Variants in PREX2 observed in about 807,000 individuals in gnomAD.
The protein encoded by PREX2 is phosphatidylinositol 3,4,5-trisphosphate-dependent Rac exchanger 2 protein.
In PREX2, 107 loss-of-function variants were observed where a neutral mutation model predicts 203.2. The ratio of observed to expected loss-of-function variants is 0.53; its 90% CI spans 0.45 to 0.62. PREX2 has a LOEUF of 0.62. PREX2 is among the 20% of genes least tolerant of loss of function. The pLI, the probability that PREX2 is intolerant of heterozygous loss-of-function variation, is 0.00. For synonymous variants in PREX2, 672 were observed against 663.6 expected (o/e 1.01, Z -0.19); for missense variants, 1,777 against 1,955.9 (o/e 0.91, Z 1.72).
rs1354992383 is a variant in PREX2, at chr8:68,234,287, C to G, written c.*2909C>G. The G allele has an allele frequency of 6.6e-6, 1 of 152,138 alleles. No individual in the cohort carries two copies. The highest frequency in any genetic ancestry group is 1.5e-5 in the Non-Finnish European group (1 of 68,030). The allele number at this position is 152,138 out of a possible 1,614,324, so 9.4% of individuals were successfully genotyped here. A position where few individuals can be genotyped will look rare whatever the true frequency, so the allele number is the denominator to read the frequency against. On this transcript the variant is annotated 3_prime_UTR_variant, in exon 40 of 40. Coordinates refer to ENST00000288368, the MANE Select transcript of PREX2 (RefSeq NM_024870.4). The stretch of plus-strand genomic sequence containing the variant: ...GTTTACCTTAATGCTACATGCTCCT[C>G]TATAACCAGTGCACCTTCAAATACT...
chr8:68,197,106 A>C (rs1237553431), intron 37 of PREX2, among the ~76,000 whole-genome samples: 5 of 152,074 alleles, frequency 3.3e-5, no homozygotes, highest in Non-Finnish European at 5.9e-5. Context: ...GAAGAGCAAA[A>C]GGGAGGGAAG....
intron 35 of PREX2, among the ~76,000 whole-genome samples, chr8:68,168,818 A>G (rs1811812710): frequency 6.6e-6 from 1 of 152,178 alleles, no homozygotes; most frequent in Admixed American, 6.5e-5. Flanking sequence ...GTCTTTCCTT[A>G]ATAACCGAGT....
intron 13 of PREX2, 47 bp downstream of exon 13, chr8:68,069,931 T>A: frequency 9.2e-7 from 1 of 1,089,128 alleles, no homozygotes; most frequent in Non-Finnish European, 1.4e-6. Flanking sequence ...GAAATATTTG[T>A]ACTATGTTTT....
intron 8 of PREX2, among the ~76,000 whole-genome samples, chr8:68,045,392 A>G (rs947355304): frequency 2.0e-5 from 3 of 152,018 alleles, no homozygotes; most frequent in African/African-American, 7.2e-5. Context: ...TACATGTGGG[A>G]TTGGGACACA....
At chr8:68,203,902 A>G (rs1189009475) in intron 37 of PREX2, among the ~76,000 whole-genome samples, 5 of 152,208 alleles carry the variant, frequency 3.3e-5, no homozygotes, top group South Asian at 2.1e-4. Context: ...ACATCTCTTT[A>G]AAGTATTTAT....
At chr8:68,220,123 T>G (rs1812926556) in intron 38 of PREX2, 1 of 152,018 alleles carries the variant, frequency 6.6e-6, no homozygotes, top group African/African-American at 2.4e-5. Context: ...AAGAAACTTT[T>G]TGGCATGATT....
chr8:68,156,140 A>G (rs1027307562), intron 34 of PREX2, among the ~76,000 whole-genome samples: 3 of 152,164 alleles, frequency 2.0e-5, no homozygotes, highest in South Asian at 2.1e-4. Flanking sequence ...AGCTTACTGC[A>G]GCTTCAAAAT....
intron 1 of PREX2, among the ~76,000 whole-genome samples, chr8:67,959,332 G>A (rs140694843): frequency 2.0e-5 from 3 of 152,292 alleles, no homozygotes; most frequent in Non-Finnish European, 4.4e-5. Flanking sequence ...TAGAGCGTGT[G>A]AGCAAAAGCC....
chr8:68,032,456 C>T (rs1171451147), intron 6 of PREX2, among the ~76,000 whole-genome samples: 2 of 152,116 alleles, frequency 1.3e-5, no homozygotes, highest in African/African-American at 4.8e-5. Context: ...GACAGCCATA[C>T]AGAGATTGGG....
chr8:67,979,500 T>C (rs1003210738), intron 1 of PREX2, among the ~76,000 whole-genome samples: 6 of 152,302 alleles, frequency 3.9e-5, no homozygotes, highest in East Asian at 1.9e-4. Context: ...CAATATCATA[T>C]GGAAAAGTTT....
intron 1 of PREX2, among the ~76,000 whole-genome samples, chr8:68,001,467 G>T (rs1371049508): frequency 2.0e-5 from 3 of 152,150 alleles, no homozygotes; most frequent in Non-Finnish European, 2.9e-5. Flanking sequence ...TGGTTGCAGA[G>T]AAAAGGGAAT....
chr8:68,221,879 T>C (rs1287483084), intron 38 of PREX2, among the ~76,000 whole-genome samples: 1 of 152,228 alleles, frequency 6.6e-6, no homozygotes, highest in Non-Finnish European at 1.5e-5. Context: ...AATCTATTTT[T>C]CATAGGGTAT....
At chr8:68,035,372 T>C (rs200455485) in intron 6 of PREX2, among the ~76,000 whole-genome samples, 15 of 152,156 alleles carry the variant, frequency 9.9e-5, no homozygotes, top group African/African-American at 3.6e-4. Context: ...TCTAGCTCGG[T>C]TAGATCTTTG....
chr8:68,124,635 T>C (rs1019386268), intron 30 of PREX2, among the ~76,000 whole-genome samples: 2 of 152,082 alleles, frequency 1.3e-5, no homozygotes, highest in African/African-American at 4.8e-5. Flanking sequence ...ACCCTTGAAC[T>C]TAAAAGTTTA....
chr8:68,179,805 T>G (rs1812051009), intron 35 of PREX2, among the ~76,000 whole-genome samples: 1 of 152,180 alleles, frequency 6.6e-6, no homozygotes, highest in Non-Finnish European at 1.5e-5. Flanking sequence ...TCATAATGTG[T>G]GATTAGTATT....
intron 13 of PREX2, among the ~76,000 whole-genome samples, chr8:68,071,862 C>T (rs1180367692): frequency 2.6e-5 from 4 of 152,150 alleles, no homozygotes; most frequent in Non-Finnish European, 5.9e-5. Flanking sequence ...AGTGCAAATC[C>T]AGCCTTCCTG....
At chr8:67,964,807 A>ACTAT (rs1563473245) in intron 1 of PREX2, among the ~76,000 whole-genome samples, 1 of 152,162 alleles carries the variant, frequency 6.6e-6, no homozygotes, top group Non-Finnish European at 1.5e-5. Flanking sequence ...ACGACTTAGA[A>ACTAT]CTATCTTCAA....
chr8:67,977,329 C>T (rs1806138756), intron 1 of PREX2, among the ~76,000 whole-genome samples: 1 of 152,308 alleles, frequency 6.6e-6, no homozygotes, highest in African/African-American at 2.4e-5. Flanking sequence ...CTGTTGTTTA[C>T]AAACCACTCA....
At chr8:67,973,664 A>T (rs1221289574) in intron 1 of PREX2, among the ~76,000 whole-genome samples, 1 of 152,170 alleles carries the variant, frequency 6.6e-6, no homozygotes, top group East Asian at 1.9e-4. Flanking sequence ...TTGGTAACGC[A>T]TATCTTAGCA....
Sources: gnomAD v4.1 joint callset for allele counts (sites outside exome capture counted in the v4.1 genomes callset) on GRCh38, gnomAD v4.1.1 for gene constraint, MANE v1.5 for transcripts, NCBI Gene and HGNC (gene_info 2026-07-23, HGNC 2026-07-21) for gene names.